NLRC4: variants seen among roughly 807,000 people sequenced by gnomAD.
NLRC4 encodes the protein NLR family CARD domain containing 4, also known as NLR family CARD domain-containing protein 4.
NLRC4 carries 63 observed loss-of-function variants against 79.9 expected under a neutral mutation model. That is an observed-to-expected ratio of 0.79 (90% confidence interval 0.64 to 0.97). NLRC4 has a LOEUF of 0.97. Among genes scored for constraint, NLRC4 ranks in the 50% least tolerant of loss-of-function variants. NLRC4 has a pLI of 0.00. For missense variants in NLRC4, 1,074 were observed against 1,215.2 expected (o/e 0.88, Z 1.73); for synonymous variants, 461 against 456.5 (o/e 1.01, Z -0.12).
At chr2:32,230,041 C>T (rs1686493548) in intron 8 of NLRC4, among the ~76,000 whole-genome samples, 1 of 152,050 alleles carries the variant, frequency 6.6e-6, no homozygotes. Flanking sequence ...TAAAAACTGA[C>T]AGGAGGGAGT....
chr2:32,259,561 A>G (rs1172064245), intron 1 of NLRC4, among the ~76,000 whole-genome samples: 36 of 152,042 alleles, frequency 2.4e-4, no homozygotes, highest in Admixed American at 1.7e-3. Flanking sequence ...CTAGAATTCA[A>G]TATTGGTTTA....
rs1250085568 is a variant in NLRC4 at position 32,252,674 on chromosome 2, A to G, written c.7T>C (p.Phe3Leu). 1 of 1,612,526 alleles carries G rather than the reference A, an allele frequency of 6.2e-7. No individual in the cohort carries two copies. The highest frequency in any genetic ancestry group is 1.3e-5 in the African/African-American group (1 of 75,000). MNFIKDNSRALIQ... is the reference protein window; with the variant it reads MNLIKDNSRALIQ... ...AGGGCTCGGCTATTGTCCTTTATGA[A>G]ATTCACTGAGGAGATGGGGAGAAAT... is the stretch of plus-strand genomic sequence containing the variant. Residue 3 changes from phenylalanine to leucine, a missense_variant, in exon 3 of 9, where the codon TTC (phenylalanine) becomes CTC (leucine). By Grantham distance (22) the Phe-to-Leu change is conservative (BLOSUM62 0). Coordinates refer to ENST00000402280, the MANE Select transcript of NLRC4 (RefSeq NM_001199138.2).
intron 5 of NLRC4, among the ~76,000 whole-genome samples, chr2:32,240,138 G>C (rs1686762402): frequency 6.6e-6 from 1 of 151,992 alleles, no homozygotes; most frequent in Admixed American, 6.6e-5. Context: ...ATACCACCAT[G>C]CCCAGCTAAT....
chr2:32,250,068 A>C lies in NLRC4; in HGVS notation c.1796T>G (p.Phe599Cys). Reference sequence around the variant, plus strand: ...ACTTGCACAATTGGGCAAATGTTCAAAGAAGTCAAATAAGTAATCGGGGAT... The same window carrying C: ...ACTTGCACAATTGGGCAAATGTTCACAGAAGTCAAATAAGTAATCGGGGAT... ...GNIPDYLFDF[F>C]EHLPNCASAL... Residue 599 changes from phenylalanine (F) to cysteine (C), a missense_variant, in exon 4 of 9, where the codon TTT (phenylalanine) becomes TGT (cysteine). Physicochemically the swap from Phe to Cys is radical, Grantham distance 205. Coordinates refer to ENST00000402280, the MANE Select transcript of NLRC4 (RefSeq NM_001199138.2). This position sits in a 1 kb window ranked among gnomAD's most constrained non-coding sequence, Gnocchi z 4.9. 6.2e-7 allele frequency: 1 copy of C among 1,614,258 alleles called. No homozygotes were observed. Among genetic ancestry groups the C allele is most frequent in the Non-Finnish European group, 8.5e-7 (1 of 1,180,034 alleles).
intron 2 of NLRC4, among the ~76,000 whole-genome samples, chr2:32,255,540 A>T (rs967247266): frequency 1.4e-3 from 49 of 34,412 alleles, no homozygotes; most frequent in Non-Finnish European, 8.2e-4. Context: ...AAAAAAAAAT[A>T]AGAAATACAG....
At chr2:32,231,591 A>C (rs1403730138) in intron 8 of NLRC4, among the ~76,000 whole-genome samples, 25 of 46,718 alleles carry the variant, frequency 5.4e-4, no homozygotes, top group South Asian at 7.6e-4. Context: ...GGGGTGGGGG[A>C]CTGGGTGTCA....
At chr2:32,252,303 C>A (rs1309002636) in intron 3 of NLRC4, 116 bp downstream of exon 3, 4 of 755,238 alleles carry the variant, frequency 5.3e-6, no homozygotes, top group African/African-American at 1.7e-5. Flanking sequence ...GTATCAAAGG[C>A]CACTGCCAGG....
At chr2:32,262,549 T>C (rs1011947160) in intron 1 of NLRC4, among the ~76,000 whole-genome samples, 7 of 151,582 alleles carry the variant, frequency 4.6e-5, no homozygotes, top group African/African-American at 1.5e-4. Context: ...CTGAGGAGGG[T>C]GGATCACCTG....
intron 7 of NLRC4, 130 bp downstream of exon 7, chr2:32,236,117 G>T: frequency 1.8e-6 from 1 of 567,618 alleles, no homozygotes; most frequent in Non-Finnish European, 3.1e-6. Flanking sequence ...AGGCCTAAAT[G>T]ATTTTCCTAA....
intron 4 of NLRC4, among the ~76,000 whole-genome samples, chr2:32,243,077 T>C (rs1686843032): frequency 7.2e-6 from 1 of 139,696 alleles, no homozygotes; most frequent in African/African-American, 2.7e-5. Context: ...AGAGAGAGAA[T>C]AGAGAAAGAA....
intron 8 of NLRC4, among the ~76,000 whole-genome samples, chr2:32,231,596 G>A (rs1168130256): frequency 7.7e-6 from 1 of 130,470 alleles, no homozygotes; most frequent in Non-Finnish European, 1.6e-5. Flanking sequence ...GGGGGACTGG[G>A]TGTCACTCTG....
At chr2:32,240,114 G>A (rs1433953667) in intron 5 of NLRC4, among the ~76,000 whole-genome samples, 1 of 152,126 alleles carries the variant, frequency 6.6e-6, no homozygotes, top group East Asian at 1.9e-4. Context: ...CCAAGTAGCT[G>A]GCATTACAGG....
intron 4 of NLRC4, among the ~76,000 whole-genome samples, chr2:32,248,524 A>G (rs1322882222): frequency 1.3e-5 from 2 of 152,256 alleles, no homozygotes; most frequent in African/African-American, 4.8e-5. Context: ...ACGCTTAAAG[A>G]ATAAACTGTC....
At chr2:32,257,875 A>C (rs548273524) in intron 1 of NLRC4, among the ~76,000 whole-genome samples, 3 of 151,912 alleles carry the variant, frequency 2.0e-5, no homozygotes, top group Non-Finnish European at 4.4e-5. Flanking sequence ...CTAGTGGTGA[A>C]TGTTTACAGC....
At chr2:32,260,213 C>CAAAAAAAAAAAAAAAAAAAAAAAAAAA in intron 1 of NLRC4, among the ~76,000 whole-genome samples, 1 of 75,078 alleles carries the variant, frequency 1.3e-5, no homozygotes, top group Non-Finnish European at 2.3e-5. Context: ...TGGGCAACGA[C>CAAAAAAAAAAAAAAAAAAAAAAAAAAA]AAAAAAAAAA....
At chr2:32,240,163 T>C (rs574479213) in intron 5 of NLRC4, among the ~76,000 whole-genome samples, 48 of 152,168 alleles carry the variant, frequency 3.2e-4, no homozygotes, top group Non-Finnish European at 5.1e-4. Context: ...GTATTTTTAG[T>C]AGAGACAGGG....
At chr2:32,255,055 C>T (rs1469794232) in intron 2 of NLRC4, among the ~76,000 whole-genome samples, 1 of 151,892 alleles carries the variant, frequency 6.6e-6, no homozygotes, top group Non-Finnish European at 1.5e-5. Context: ...CCTTTCTCAC[C>T]ATTGCAGAGC....
At chr2:32,233,130 GAGGGAGGAAGGAAGGAAGGA>G (rs1686578810) in intron 8 of NLRC4, among the ~76,000 whole-genome samples, 2 of 94,288 alleles carry the variant, frequency 2.1e-5, no homozygotes, top group African/African-American at 4.6e-5. Flanking sequence ...AGGGGTGGGG[GAGGGAGGAAGGAAGGAAGGA>G]AGGAAGGAAG....
intron 2 of NLRC4, among the ~76,000 whole-genome samples, chr2:32,256,033 CA>C (rs566747853): frequency 3.3e-5 from 5 of 149,848 alleles, no homozygotes; most frequent in African/African-American, 4.9e-5. Flanking sequence ...AAAAAATTTA[CA>C]AAAAAAAATA....
Sources: gnomAD v4.1 joint callset for allele counts (sites outside exome capture counted in the v4.1 genomes callset) on GRCh38, gnomAD v4.1.1 for gene constraint, Gnocchi (gnomAD v3.1) non-coding constraint, MANE v1.5 for transcripts, NCBI Gene and HGNC (gene_info 2026-07-23, HGNC 2026-07-21) for gene names.